The following NIPA2 variants were observed in gnomAD, a reference collection of about 807,000 sequenced individuals.
NIPA2 encodes the protein magnesium transporter NIPA2.
Under a neutral mutation model 29.7 loss-of-function variants are expected in NIPA2, and 11 were observed. That is an observed-to-expected ratio of 0.37 (90% CI 0.23 to 0.61). The LOEUF is 0.61. Ranked by LOEUF, NIPA2 falls within the 20% of genes least tolerant of loss-of-function variation. The pLI is 0.66. For synonymous variants in NIPA2, 183 were observed against 161.9 expected, an observed-to-expected ratio of 1.13 and a Z score of -0.99; for missense variants, 426 against 437.9, an observed-to-expected ratio of 0.97 and a Z score of 0.24.
intron 5 of NIPA2, among the ~76,000 whole-genome samples, chr15:22,857,887 A>G (rs527249797): frequency 4.6e-5 from 7 of 150,810 alleles, no homozygotes; most frequent in Admixed American, 4.6e-4. Flanking sequence ...TTGGGGGAAG[A>G]GTACCTTTAC....
At chr15:22,850,359 C>T (rs143215025) in intron 3 of NIPA2, among the ~76,000 whole-genome samples, 2 of 152,076 alleles carry the variant, frequency 1.3e-5, no homozygotes, top group African/African-American at 4.8e-5. Context: ...CACTCTGTTC[C>T]TTACACCTCC....
At position 22,866,284 on chromosome 15, in the gene NIPA2, G is replaced by A. The variant is rs1372826354; in HGVS notation, c.520G>A (p.Gly174Arg). ...ILIFVVGPRHGQTNILVYITI... is the reference protein window; with the variant it reads ...ILIFVVGPRHRQTNILVYITI... ...AATCTTCGTGGTGGGTCCTCGCCAT[G>A]GACAGACAAACATTCTTGTGTACAT... Residue 174 changes from glycine (G) to arginine (R), a missense_variant, in exon 8 of 8, where the codon GGA (glycine) becomes AGA (arginine). By Grantham distance (125) the Gly-to-Arg change is moderately radical. Around this residue, in one of 3 missense-constraint regions of NIPA2, gnomAD observed 357 missense variants for 339.8 expected, o/e 1.05. Transcript: ENST00000337451. 1 of 1,613,892 alleles carries A rather than the reference G, an allele frequency of 6.2e-7. No individual in the cohort carries two copies. Among genetic ancestry groups the A allele is most frequent in the East Asian group, 2.2e-5 (1 of 44,872 alleles).
At chr15:22,842,795 C>G (rs1897445443) in intron 2 of NIPA2, among the ~76,000 whole-genome samples, 1 of 149,106 alleles carries the variant, frequency 6.7e-6, no homozygotes, top group South Asian at 2.1e-4. Flanking sequence ...CGCCAGCGCA[C>G]TCCAGCCTGG....
rs562107325 is a variant in NIPA2 at position 22,861,565 on chromosome 15, T to G, written c.448+776T>G. ...TTTTTAACCTATTGTGACCACCGTCTTCTCATTTCTGATGTTGCTGTTGAG... is the reference window on the plus strand; with the variant it reads ...TTTTTAACCTATTGTGACCACCGTCGTCTCATTTCTGATGTTGCTGTTGAG... On this transcript the variant is annotated intron_variant, in intron 7 of 7. Transcript: ENST00000337451. Among the ~76,000 whole-genome samples, 36 of 152,342 alleles carry G rather than the reference T, an allele frequency of 2.4e-4. No homozygotes were observed. In the South Asian group the frequency reaches 7.2e-3, roughly 31 times the overall value.
At chr15:22,855,515 G>A (rs1250149399) in intron 5 of NIPA2, among the ~76,000 whole-genome samples, 1 of 152,010 alleles carries the variant, frequency 6.6e-6, no homozygotes. Context: ...TGTTCTAGGT[G>A]CTGGAGATAC....
chr15:22,851,718 A>T lies in NIPA2; in HGVS notation c.-14A>T. ...TCAATGTGATTCACAGGAACTCCTT[A>T]AGTAACAAACGAAATGAGCCAGGGG... On this transcript the variant is annotated 5_prime_UTR_variant, in exon 4 of 8. Coordinates refer to ENST00000337451, the MANE Select transcript of NIPA2 (RefSeq NM_030922.7). The T allele has an allele frequency of 6.2e-7, 1 of 1,603,770 alleles. No homozygotes were observed.
rs1381104093 is a variant in NIPA2 at position 22,867,557 on chromosome 15, A to G, written c.*710A>G. On this transcript the variant is annotated 3_prime_UTR_variant, in exon 8 of 8. Coordinates refer to ENST00000337451, the MANE Select transcript of NIPA2 (RefSeq NM_030922.7). Reference sequence around the variant, plus strand: ...TTTATTCTTCAGTTACCCTAATCCCATGATGCCTGGAACCTTGATTACCGT... The same window carrying G: ...TTTATTCTTCAGTTACCCTAATCCCGTGATGCCTGGAACCTTGATTACCGT... 9.4e-6 allele frequency: 2 copies of G among 212,554 alleles called. No homozygotes were observed. Among genetic ancestry groups the G allele is most frequent in the Admixed American group, 1.2e-4 (2 of 17,198 alleles). 13.2% of individuals were successfully genotyped at this position (212,554 alleles called of 1,614,324 possible).
intron 7 of NIPA2, among the ~76,000 whole-genome samples, chr15:22,864,673 C>A (rs555151743): frequency 2.5e-4 from 38 of 152,222 alleles, no homozygotes; most frequent in Non-Finnish European, 4.4e-4. Context: ...ACTTTTCAGC[C>A]AGGCCTCACT....
chr15:22,842,423 C>T (rs1340755086), intron 2 of NIPA2, among the ~76,000 whole-genome samples: 4 of 152,168 alleles, frequency 2.6e-5, no homozygotes, highest in Non-Finnish European at 4.4e-5. Context: ...GGCGCGGTGG[C>T]TTACGCCTGT....
In NIPA2 at chr15:22,867,033, T is replaced by G. The variant is rs939238627; in HGVS notation, c.*186T>G. 2 of 577,688 alleles carry G rather than the reference T, an allele frequency of 3.5e-6. No individual in the cohort carries two copies. The highest frequency in any genetic ancestry group is 6.0e-6 in the Non-Finnish European group (2 of 335,110). The allele number at this position is 577,688 out of a possible 1,614,324, so 35.8% of individuals were successfully genotyped here. ...AACAAACAATGGTAGCTCACTAAAATGACCTCAGCACATGACGATTTCTAT... is the reference window on the plus strand; with the variant it reads ...AACAAACAATGGTAGCTCACTAAAAGGACCTCAGCACATGACGATTTCTAT... On this transcript the variant is annotated 3_prime_UTR_variant, in exon 8 of 8. Coordinates refer to ENST00000337451, the MANE Select transcript of NIPA2 (RefSeq NM_030922.7).
chr15:22,847,599 T>A (rs903089507), intron 3 of NIPA2, among the ~76,000 whole-genome samples: 1 of 151,278 alleles, frequency 6.6e-6, no homozygotes, highest in African/African-American at 2.4e-5. Flanking sequence ...CAAGTAGCTA[T>A]GATTACAGGA....
At chr15:22,862,658 T>A (rs2058702111) in intron 7 of NIPA2, among the ~76,000 whole-genome samples, 1 of 152,144 alleles carries the variant, frequency 6.6e-6, no homozygotes, top group African/African-American at 2.4e-5. Flanking sequence ...TAACTTTAGT[T>A]TTAGAATTCT....
In NIPA2 at chr15:22,853,228, A is replaced by G. The variant is rs1322318805; in HGVS notation, c.156A>G (p.Ala52=). 1.2e-6 allele frequency: 2 copies of G among 1,610,872 alleles called. No individual in the cohort carries two copies. Among genetic ancestry groups the G allele is most frequent in the Non-Finnish European group, 8.5e-7 (1 of 1,177,168 alleles). Residue 52 remains alanine, a synonymous_variant, in exon 5 of 8, where the codon GCA becomes GCG. Transcript: ENST00000337451. ...CATTCACAGGTCAAGGTGGCCATGC[A>G]TATCTTAAGGAATGGTTGTGGTGGG... ...GSMRAGQGGH[A]YLKEWLWWAG...
In NIPA2 at chr15:22,866,371, A is replaced by C; in HGVS notation, c.607A>C (p.Ile203Leu). Residue 203 changes from isoleucine (I) to leucine (L), a missense_variant, in exon 8 of 8, where the codon ATC (isoleucine) becomes CTC (leucine). Around this residue, in one of 3 missense-constraint regions of NIPA2, gnomAD observed 357 missense variants for 339.8 expected, o/e 1.05. Transcript: ENST00000337451. ...CTGTGTGAAGGGCCTGGGCATTGCTATCAAGGAGCTGTTTGCAGGGAAGCC... is the reference window on the plus strand; with the variant it reads ...CTGTGTGAAGGGCCTGGGCATTGCTCTCAAGGAGCTGTTTGCAGGGAAGCC... ...VSCVKGLGIA[I>L]KELFAGKPVL... 1 of 1,614,076 alleles carries C rather than the reference A, an allele frequency of 6.2e-7. No individual in the cohort carries two copies. The highest frequency in any genetic ancestry group is 8.5e-7 in the Non-Finnish European group (1 of 1,179,988).
intron 7 of NIPA2, among the ~76,000 whole-genome samples, chr15:22,864,523 T>TTCC (rs2141596472): frequency 1.3e-5 from 2 of 152,314 alleles, no homozygotes; most frequent in East Asian, 3.9e-4. Flanking sequence ...GTTTCATGGC[T>TTCC]GGCTGTGGGC....
chr15:22,844,288 T>C lies in NIPA2; in HGVS notation c.-215-858T>C, dbSNP rs1233650056. 3.3e-5 allele frequency among the ~76,000 whole-genome samples: 5 copies of C among 151,914 alleles called. No homozygotes were observed. In the East Asian group the frequency reaches 7.7e-4, roughly 23 times the overall value. Reference sequence around the variant, plus strand: ...GAAAATTGAACTTGTTGGCCGGGAGTGGTGGTTCACTCCTGTAATCCCAGC... The same window carrying C: ...GAAAATTGAACTTGTTGGCCGGGAGCGGTGGTTCACTCCTGTAATCCCAGC... On this transcript the variant is annotated intron_variant, in intron 2 of 7. Coordinates refer to ENST00000337451, the MANE Select transcript of NIPA2 (RefSeq NM_030922.7).
In NIPA2 at chr15:22,865,894, C is replaced by G. The variant is rs149294170; in HGVS notation, c.449-319C>G. Among the ~76,000 whole-genome samples the G allele has an allele frequency of 1.3e-3, 204 of 152,176 alleles. 8 individuals carry two copies. The East Asian group carries it at 0.029, about 21-fold the overall frequency. Reference sequence around the variant, plus strand: ...ATTCAAGGCCACCTCATGGTTTCTCCTCCCTAGTTTCTGTGTCTGTTCTGT... The same window carrying G: ...ATTCAAGGCCACCTCATGGTTTCTCGTCCCTAGTTTCTGTGTCTGTTCTGT... On this transcript the variant is annotated intron_variant, in intron 7 of 7. Coordinates refer to ENST00000337451, the MANE Select transcript of NIPA2 (RefSeq NM_030922.7).
chr15:22,850,473 G>A (rs2057651557), intron 3 of NIPA2, among the ~76,000 whole-genome samples: 1 of 152,116 alleles, frequency 6.6e-6, no homozygotes, highest in Admixed American at 6.5e-5. Flanking sequence ...ACCTTAATGG[G>A]CAAATCAAAA....
chr15:22,859,172 T>C (rs2058430130), intron 6 of NIPA2, among the ~76,000 whole-genome samples: 1 of 151,992 alleles, frequency 6.6e-6, no homozygotes, highest in Admixed American at 6.6e-5. Context: ...AGACTCTGTC[T>C]CAAAAAATAA....
Sources: gnomAD v4.1 joint callset for allele counts (sites outside exome capture counted in the v4.1 genomes callset) on GRCh38, gnomAD v4.1.1 for gene constraint, gnomAD v4.1.1 regional missense constraint, MANE v1.5 for transcripts, NCBI Gene and HGNC (gene_info 2026-07-23, HGNC 2026-07-21) for gene names.